KATNA1: variants seen among roughly 807,000 people sequenced by gnomAD.
KATNA1 encodes katanin catalytic subunit A1, also known as katanin p60 ATPase-containing subunit A1.
KATNA1 carries 42 observed loss-of-function variants against 62.6 expected under a neutral mutation model. That is an observed-to-expected ratio of 0.67 (90% CI 0.52 to 0.87). The LOEUF (loss-of-function observed/expected upper bound fraction) is 0.87, where lower values mean the gene tolerates loss of function less well. Ranked by LOEUF, KATNA1 falls within the 40% of genes least tolerant of loss-of-function variation. KATNA1 has a pLI of 0.00. For synonymous variants in KATNA1, 186 were observed against 201.9 expected, an observed-to-expected ratio of 0.92 and a Z score of 0.67; for missense variants, 498 against 612.5, an observed-to-expected ratio of 0.81 and a Z score of 1.97.
chr6:149,625,867 G>A (rs1233259781), intron 3 of KATNA1, among the ~76,000 whole-genome samples: 5 of 151,862 alleles, frequency 3.3e-5, no homozygotes, highest in African/African-American at 1.2e-4. Flanking sequence ...CCAGGAGGCA[G>A]AGGTTGCAGT....
intron 7 of KATNA1, among the ~76,000 whole-genome samples, chr6:149,600,368 C>T (rs940334101): frequency 1.3e-5 from 2 of 152,030 alleles, no homozygotes; most frequent in African/African-American, 4.8e-5. Context: ...CGCAGTGGCT[C>T]ATACCTATAA....
At chr6:149,625,298 A>T (rs896875340) in intron 3 of KATNA1, among the ~76,000 whole-genome samples, 2 of 152,172 alleles carry the variant, frequency 1.3e-5, no homozygotes, top group Non-Finnish European at 2.9e-5. Flanking sequence ...GGCCTAGTTT[A>T]AGGGAGTAAC....
At chr6:149,624,624 C>T (rs1192783993) in intron 3 of KATNA1, among the ~76,000 whole-genome samples, 1 of 152,018 alleles carries the variant, frequency 6.6e-6, no homozygotes, top group Non-Finnish European at 1.5e-5. Flanking sequence ...AATCGATCCT[C>T]CCACCTTGGC....
At chr6:149,616,636 C>T (rs1441144317) in intron 4 of KATNA1, among the ~76,000 whole-genome samples, 1 of 152,158 alleles carries the variant, frequency 6.6e-6, no homozygotes, top group Non-Finnish European at 1.5e-5. Context: ...TGCCTGTAAT[C>T]CCAGACACTT....
chr6:149,595,319 G>T, intron 10 of KATNA1, 85 bp from the exon 11 acceptor site: 2 of 990,472 alleles, frequency 2.0e-6, no homozygotes, highest in South Asian at 1.6e-5. Flanking sequence ...ATTTTCAATT[G>T]ATCTGTTGTA....
At chr6:149,624,418 T>C (rs774845727) in intron 3 of KATNA1, among the ~76,000 whole-genome samples, 47 of 152,098 alleles carry the variant, frequency 3.1e-4, no homozygotes, top group Non-Finnish European at 5.7e-4. Flanking sequence ...ATTTATTTTT[T>C]ATTATTATTA....
chr6:149,630,241 G>A (rs1232902992), intron 3 of KATNA1, among the ~76,000 whole-genome samples: 2 of 152,224 alleles, frequency 1.3e-5, no homozygotes, highest in East Asian at 1.9e-4. Context: ...GTGAAAGTGC[G>A]TATGAGGCAA....
At chr6:149,612,021 G>A (rs1369219749) in intron 4 of KATNA1, among the ~76,000 whole-genome samples, 1 of 151,772 alleles carries the variant, frequency 6.6e-6, no homozygotes, top group Admixed American at 6.6e-5. Context: ...AAAGCATAAG[G>A]AATCCTACAA....
intron 1 of KATNA1, 178 bp from the exon 2 acceptor site, chr6:149,638,738 T>TTTG: frequency 2.1e-5 from 9 of 432,582 alleles, no homozygotes; most frequent in Non-Finnish European, 2.0e-5. Context: ...TTGTTTTTTT[T>TTTG]TTTTTTTTTT....
At chr6:149,607,383 G>A (rs975756271) in intron 4 of KATNA1, among the ~76,000 whole-genome samples, 1 of 152,134 alleles carries the variant, frequency 6.6e-6, no homozygotes, top group African/African-American at 2.4e-5. Flanking sequence ...AGGCTGAGGG[G>A]GGTGGATCAG....
chr6:149,610,297 C>CAA (rs538165106), intron 4 of KATNA1, among the ~76,000 whole-genome samples: 3 of 114,740 alleles, frequency 2.6e-5, no homozygotes, highest in African/African-American at 3.2e-5. Flanking sequence ...GATCCTATCT[C>CAA]AAAAAAAAAA....
intron 4 of KATNA1, among the ~76,000 whole-genome samples, chr6:149,612,608 CCT>C (rs1234036207): frequency 7.9e-5 from 12 of 151,976 alleles, no homozygotes; most frequent in Non-Finnish European, 1.6e-4. Flanking sequence ...GCTATATTAC[CCT>C]GATACTGAAA....
At chr6:149,622,072 T>C (rs1779419628) in intron 4 of KATNA1, among the ~76,000 whole-genome samples, 1 of 152,040 alleles carries the variant, frequency 6.6e-6, no homozygotes, top group Non-Finnish European at 1.5e-5. Flanking sequence ...GGTCTGTGGA[T>C]TAGATGAACA....
At chr6:149,612,203 A>G (rs898575694) in intron 4 of KATNA1, among the ~76,000 whole-genome samples, 2 of 152,110 alleles carry the variant, frequency 1.3e-5, no homozygotes, top group Non-Finnish European at 2.9e-5. Flanking sequence ...GTTTCATTGT[A>G]GAAACATTTA....
intron 4 of KATNA1, among the ~76,000 whole-genome samples, chr6:149,610,715 G>A (rs1359493562): frequency 3.3e-5 from 5 of 152,078 alleles, no homozygotes; most frequent in African/African-American, 1.2e-4. Flanking sequence ...GTGCTGAGAG[G>A]GCAATTTAGA....
rs1778346314 is a variant in KATNA1 at position 149,597,050 on chromosome 6, T to C, written c.1277+13A>G. On this transcript the variant is annotated intron_variant, in intron 10 of 10. Transcript: ENST00000367411. ...ATGCTTACAAAAACCTATGCTTCCATGATAATTCATACCTGCACACGTTGG... is the reference window on the plus strand; with the variant it reads ...ATGCTTACAAAAACCTATGCTTCCACGATAATTCATACCTGCACACGTTGG... 1.9e-6 allele frequency: 3 copies of C among 1,609,658 alleles called. No individual in the cohort carries two copies. The African/African-American group carries it at 4.0e-5, about 22-fold the overall frequency.
intron 3 of KATNA1, among the ~76,000 whole-genome samples, chr6:149,630,086 GA>G (rs1162851768): frequency 2.0e-5 from 3 of 152,170 alleles, no homozygotes; most frequent in Non-Finnish European, 1.5e-5. Flanking sequence ...CTGCAACTAT[GA>G]AAATAATGCA....
intron 1 of KATNA1, among the ~76,000 whole-genome samples, chr6:149,648,263 C>T (rs1780564080): frequency 6.6e-6 from 1 of 152,190 alleles, no homozygotes. Context: ...AAAAGTCCTC[C>T]GCCTGACAGG....
At chr6:149,623,851 C>T (rs1284579143) in intron 3 of KATNA1, among the ~76,000 whole-genome samples, 1 of 151,992 alleles carries the variant, frequency 6.6e-6, no homozygotes, top group Non-Finnish European at 1.5e-5. Flanking sequence ...ATGGTCACCT[C>T]TACTTAGAAA....
Sources: allele counts gnomAD v4.1 joint callset (sites outside exome capture counted in the v4.1 genomes callset), GRCh38; gene constraint gnomAD v4.1.1; transcripts MANE v1.5; gene names NCBI Gene and HGNC (gene_info 2026-07-23, HGNC 2026-07-21).